DPP10: variants seen among roughly 807,000 people sequenced by gnomAD.
The protein encoded by DPP10 is inactive dipeptidyl peptidase 10.
DPP10 carries 33 observed loss-of-function variants against 120.9 expected under a neutral mutation model. The observed-to-expected ratio is 0.27, with a 90% CI of 0.21 to 0.37. DPP10 has a LOEUF of 0.37. Among genes scored for constraint, DPP10 ranks in the 10% least tolerant of loss-of-function variants. DPP10 has a pLI of 1.00. For missense variants in DPP10, 816 were observed against 942.8 expected, an observed-to-expected ratio of 0.87 and a Z score of 1.76; for synonymous variants, 337 against 326.1, an observed-to-expected ratio of 1.03 and a Z score of -0.36.
intron 3 of DPP10, among the ~76,000 whole-genome samples, chr2:115,399,216 CTA>C (rs915468971): frequency 6.6e-6 from 1 of 152,088 alleles, no homozygotes; most frequent in Non-Finnish European, 1.5e-5. Flanking sequence ...TTTATTTTAA[CTA>C]TGTTGCAGAT....
intron 1 of DPP10, among the ~76,000 whole-genome samples, chr2:114,511,416 G>A (rs1325606236): frequency 6.6e-6 from 1 of 152,134 alleles, no homozygotes; most frequent in Non-Finnish European, 1.5e-5. Flanking sequence ...TGTCAGAGTA[G>A]GCTTTTGACA....
chr2:114,801,310 A>G (rs1473930592), intron 1 of DPP10, among the ~76,000 whole-genome samples: 2 of 151,800 alleles, frequency 1.3e-5, no homozygotes, highest in East Asian at 3.9e-4. Context: ...GGTACAGAAG[A>G]TAGAAGAAAA....
At chr2:114,986,497 T>C (rs1574637165) in intron 1 of DPP10, among the ~76,000 whole-genome samples, 1 of 152,188 alleles carries the variant, frequency 6.6e-6, no homozygotes, top group East Asian at 1.9e-4. Context: ...GATATAACTA[T>C]GTAGGGAGTG....
At chr2:115,497,670 A>AG (rs1391899334) in intron 3 of DPP10, among the ~76,000 whole-genome samples, 6 of 152,098 alleles carry the variant, frequency 3.9e-5, no homozygotes, top group East Asian at 3.9e-4. Context: ...TATTTTAAAA[A>AG]ATTCATAGAG....
intron 1 of DPP10, among the ~76,000 whole-genome samples, chr2:115,306,734 A>T (rs2061374405): frequency 6.6e-6 from 1 of 152,134 alleles, no homozygotes; most frequent in African/African-American, 2.4e-5. Context: ...GCATCACTTT[A>T]TGAACAGAAA....
At chr2:115,465,359 C>T (rs1418053648) in intron 3 of DPP10, among the ~76,000 whole-genome samples, 3 of 151,952 alleles carry the variant, frequency 2.0e-5, no homozygotes, top group Admixed American at 2.0e-4. Flanking sequence ...TTTGGAAGTA[C>T]TATACTTTAA....
chr2:115,615,697 A>G (rs545685102), intron 5 of DPP10, among the ~76,000 whole-genome samples: 4 of 152,184 alleles, frequency 2.6e-5, no homozygotes, highest in Non-Finnish European at 5.9e-5. Context: ...TATGATTGCA[A>G]TTATTTATGG....
At chr2:115,583,413 G>C (rs1001946540) in intron 5 of DPP10, among the ~76,000 whole-genome samples, 2 of 152,136 alleles carry the variant, frequency 1.3e-5, no homozygotes, top group Admixed American at 1.3e-4. Flanking sequence ...AGTTGCAAAC[G>C]TGCTGGTCTG....
At chr2:115,480,466 GA>G (rs2075361817) in intron 3 of DPP10, among the ~76,000 whole-genome samples, 1 of 151,862 alleles carries the variant, frequency 6.6e-6, no homozygotes, top group South Asian at 2.1e-4. Flanking sequence ...TATTGAGATT[GA>G]AAAAATGTAT....
chr2:115,178,266 C>T (rs1223872032), intron 1 of DPP10, among the ~76,000 whole-genome samples: 1 of 152,096 alleles, frequency 6.6e-6, no homozygotes, highest in Non-Finnish European at 1.5e-5. Context: ...TCATTAAACA[C>T]CTGAGACACT....
At chr2:115,006,245 AC>A (rs1701831764) in intron 1 of DPP10, among the ~76,000 whole-genome samples, 2 of 152,204 alleles carry the variant, frequency 1.3e-5, no homozygotes. Context: ...AACAACCGGT[AC>A]CAGACACTGC....
intron 1 of DPP10, among the ~76,000 whole-genome samples, chr2:114,610,362 G>A (rs1290909986): frequency 6.6e-6 from 1 of 152,070 alleles, no homozygotes; most frequent in East Asian, 1.9e-4. Context: ...CTAGGGGAAC[G>A]GATATCCTAA....
intron 1 of DPP10, among the ~76,000 whole-genome samples, chr2:114,919,099 G>A (rs972710875): frequency 1.3e-5 from 2 of 151,326 alleles, no homozygotes; most frequent in Non-Finnish European, 2.9e-5. Context: ...CAAAAGAAAG[G>A]AGTCAATGAT....
At chr2:115,306,733 T>C (rs2061374284) in intron 1 of DPP10, among the ~76,000 whole-genome samples, 2 of 152,140 alleles carry the variant, frequency 1.3e-5, no homozygotes, top group African/African-American at 2.4e-5. Flanking sequence ...TGCATCACTT[T>C]ATGAACAGAA....
chr2:114,920,934 A>G (rs1331390254), intron 1 of DPP10, among the ~76,000 whole-genome samples: 1 of 152,204 alleles, frequency 6.6e-6, no homozygotes, highest in African/African-American at 2.4e-5. Context: ...TAATTGCAGG[A>G]AGAGTTTTAA....
At chr2:115,462,923 G>A (rs1465443659) in intron 3 of DPP10, among the ~76,000 whole-genome samples, 3 of 152,064 alleles carry the variant, frequency 2.0e-5, no homozygotes, top group East Asian at 3.9e-4. Context: ...GTAGAGTTGG[G>A]GTTTTGTTAT....
chr2:115,711,285 C>A (rs2092305966), intron 7 of DPP10, among the ~76,000 whole-genome samples: 1 of 151,896 alleles, frequency 6.6e-6, no homozygotes, highest in Admixed American at 6.6e-5. Flanking sequence ...AAGTTACTTG[C>A]AAAGACTATT....
At chr2:115,781,050 A>G in intron 16 of DPP10, 55 bp downstream of exon 16, 1 of 1,417,908 alleles carries the variant, frequency 7.1e-7, no homozygotes, top group African/African-American at 1.4e-5. Context: ...TATTTGGTCA[A>G]TATCTGTTGG....
At chr2:115,711,508 A>G (rs2149572135) in intron 7 of DPP10, among the ~76,000 whole-genome samples, 1 of 152,240 alleles carries the variant, frequency 6.6e-6, no homozygotes, top group Non-Finnish European at 1.5e-5. Context: ...TTTATTCAAG[A>G]GGAGGGTGAT....
Sources: allele counts gnomAD v4.1 joint callset (sites outside exome capture counted in the v4.1 genomes callset), GRCh38; gene constraint gnomAD v4.1.1; transcripts MANE v1.5; gene names NCBI Gene and HGNC (gene_info 2026-07-23, HGNC 2026-07-21).